The following CACNA1E variants were observed in gnomAD, a reference collection of about 807,000 sequenced individuals.
CACNA1E encodes the protein calcium voltage-gated channel subunit alpha1 E.
A neutral mutation model predicts 259.2 loss-of-function variants in CACNA1E; 40 were observed. That is an observed-to-expected ratio of 0.15 (90% confidence interval 0.12 to 0.20). The LOEUF (loss-of-function observed/expected upper bound fraction) is 0.20. CACNA1E is among the 10% of genes least tolerant of loss of function. The probability of loss-of-function intolerance (pLI) is 1.00; values close to 1 mark genes in which losing one functional copy is unlikely to be tolerated. For missense variants in CACNA1E, 1,874 were observed against 3,040.1 expected (o/e 0.62, Z 9.02); for synonymous variants, 1,104 against 1,138.5 (o/e 0.97, Z 0.61).
intron 40 of CACNA1E, 121 bp downstream of exon 40, chr1:181,783,905 T>C: frequency 1.6e-6 from 1 of 621,692 alleles, no homozygotes; most frequent in Non-Finnish European, 3.0e-6. Flanking sequence ...AATGCAGTCA[T>C]CTGAACATCA....
chr1:181,663,588 C>A (rs1049625227), intron 7 of CACNA1E, among the ~76,000 whole-genome samples: 2 of 152,146 alleles, frequency 1.3e-5, no homozygotes, highest in Non-Finnish European at 2.9e-5. Context: ...GCCATGCCCC[C>A]CTATGACCTC....
intron 1 of CACNA1E, among the ~76,000 whole-genome samples, chr1:181,365,502 C>T (rs114186461): frequency 0.033 from 5,099 of 152,310 alleles, 95 homozygotes; most frequent in Middle Eastern, 0.065. Context: ...ACCTGGCATT[C>T]GGAGACAGTT....
At chr1:181,472,252 G>C (rs753422770) in intron 2 of CACNA1E, among the ~76,000 whole-genome samples, 1 of 151,788 alleles carries the variant, frequency 6.6e-6, no homozygotes, top group Non-Finnish European at 1.5e-5. Context: ...GTAGGGAGAC[G>C]TAGGTCAAAG....
chr1:181,712,578 C>T (rs1653483284), intron 8 of CACNA1E, among the ~76,000 whole-genome samples: 1 of 152,160 alleles, frequency 6.6e-6, no homozygotes, highest in Non-Finnish European at 1.5e-5. Flanking sequence ...ATCTGCACTC[C>T]CTTGTAGCCT....
At chr1:181,325,024 C>T (rs1483598045) in intron 1 of CACNA1E, among the ~76,000 whole-genome samples, 2 of 152,194 alleles carry the variant, frequency 1.3e-5, no homozygotes, top group African/African-American at 4.8e-5. Context: ...ACAGCTCTCT[C>T]TTCTCTCCAG....
intron 2 of CACNA1E, among the ~76,000 whole-genome samples, chr1:181,473,721 C>G (rs1662664236): frequency 6.6e-6 from 1 of 152,182 alleles, no homozygotes; most frequent in Non-Finnish European, 1.5e-5. Flanking sequence ...GTAGAATCAT[C>G]ATGAAATCTC....
intron 6 of CACNA1E, among the ~76,000 whole-genome samples, chr1:181,641,224 G>A (rs928694526): frequency 1.3e-5 from 2 of 152,184 alleles, no homozygotes; most frequent in African/African-American, 4.8e-5. Flanking sequence ...ACATGTTTAG[G>A]GGAAACCTTA....
At position 181,625,436 on chromosome 1, in the gene CACNA1E, T is replaced by C. The variant is rs1041069069; in HGVS notation, c.952-25902T>C. On this transcript the variant is annotated intron_variant, in intron 6 of 47. Coordinates refer to ENST00000367573, the MANE Select transcript of CACNA1E (RefSeq NM_001205293.3). ...TGTTTAGTGTACCCGTCTTTATCAA[T>C]TATCTTAATCTTCTGGAAACCTTGC... Among the ~76,000 whole-genome samples the C allele has an allele frequency of 3.7e-4, 56 of 152,192 alleles. 1 individual carries two copies. The highest frequency in any genetic ancestry group is 1.4e-3 in the African/African-American group (56 of 41,456).
At chr1:181,359,937 C>T (rs1653738339) in intron 1 of CACNA1E, among the ~76,000 whole-genome samples, 1 of 152,176 alleles carries the variant, frequency 6.6e-6, no homozygotes, top group Non-Finnish European at 1.5e-5. Flanking sequence ...TTCACACTGG[C>T]AGTTGCTGAA....
chr1:181,483,363 A>C (rs1405933161), upstream of CACNA1E: 2 of 162,942 alleles, frequency 1.2e-5, no homozygotes, highest in Non-Finnish European at 2.6e-5. Context: ...AAGAGGAGCT[A>C]TGTTTGAAGA....
chr1:181,361,007 G>C (rs776297430), intron 1 of CACNA1E, among the ~76,000 whole-genome samples: 2 of 152,106 alleles, frequency 1.3e-5, no homozygotes, highest in Admixed American at 6.5e-5. Flanking sequence ...AGGACACAGG[G>C]TTCCTCTTTC....
intron 8 of CACNA1E, among the ~76,000 whole-genome samples, chr1:181,711,530 C>T (rs935031757): frequency 2.6e-5 from 4 of 151,998 alleles, no homozygotes; most frequent in Admixed American, 1.3e-4. Flanking sequence ...GCTAAGGCAG[C>T]GATAAACAAA....
At chr1:181,411,904 C>T (rs915055474) in intron 1 of CACNA1E, among the ~76,000 whole-genome samples, 4 of 152,274 alleles carry the variant, frequency 2.6e-5, no homozygotes, top group Non-Finnish European at 4.4e-5. Flanking sequence ...GCCACTGCGC[C>T]CAGCCAGGTG....
chr1:181,331,820 C>G (rs534849406), intron 1 of CACNA1E, among the ~76,000 whole-genome samples: 37 of 152,296 alleles, frequency 2.4e-4, no homozygotes, highest in Non-Finnish European at 4.0e-4. Context: ...TCTCCTAGCA[C>G]TATTTATTAA....
At chr1:181,592,023 T>C (rs1383816671) in intron 6 of CACNA1E, among the ~76,000 whole-genome samples, 4 of 152,200 alleles carry the variant, frequency 2.6e-5, no homozygotes, top group African/African-American at 7.2e-5. Flanking sequence ...ATTTGCATCA[T>C]TGCCAACCTT....
intron 1 of CACNA1E, among the ~76,000 whole-genome samples, chr1:181,349,037 A>G (rs1652829305): frequency 6.8e-6 from 1 of 147,242 alleles, no homozygotes; most frequent in Admixed American, 6.7e-5. Flanking sequence ...TGGTTGATTA[A>G]TAGGCAGTCA....
At chr1:181,662,815 C>G (rs1434795731) in intron 7 of CACNA1E, among the ~76,000 whole-genome samples, 3 of 152,202 alleles carry the variant, frequency 2.0e-5, no homozygotes, top group Non-Finnish European at 4.4e-5. Context: ...CCATCCATGG[C>G]ACCCTACAGG....
intron 2 of CACNA1E, among the ~76,000 whole-genome samples, chr1:181,435,205 C>T (rs1033874224): frequency 6.6e-6 from 1 of 152,182 alleles, no homozygotes; most frequent in African/African-American, 2.4e-5. Flanking sequence ...TTTACCAGCA[C>T]ACCACTGGAA....
intron 3 of CACNA1E, among the ~76,000 whole-genome samples, chr1:181,517,099 C>T (rs570444402): frequency 4.6e-5 from 7 of 152,292 alleles, no homozygotes; most frequent in Admixed American, 3.3e-4. Flanking sequence ...GCTGGAGCCA[C>T]GCAACATGAG....
Sources: allele counts gnomAD v4.1 joint callset (sites outside exome capture counted in the v4.1 genomes callset), GRCh38; gene constraint gnomAD v4.1.1; transcripts MANE v1.5; gene names NCBI Gene and HGNC (gene_info 2026-07-23, HGNC 2026-07-21).